Variants in SLC22A25 observed in about 807,000 individuals in gnomAD.
SLC22A25 encodes the protein MGI:2442751, MGI:2385316, MGI:3042283, MGI:3645714, MGI:3605624, MGI:2442750.
SLC22A25 carries 44 observed loss-of-function variants against 45.9 expected under a neutral mutation model. The observed-to-expected ratio is 0.96, with a 90% CI of 0.75 to 1.23. SLC22A25 has a LOEUF of 1.23. Among genes scored for constraint, SLC22A25 ranks in the 50% most tolerant of loss-of-function variants. The pLI, the probability that SLC22A25 is intolerant of heterozygous loss-of-function variation, is 0.00. For synonymous variants in SLC22A25, 283 were observed against 238.6 expected, an observed-to-expected ratio of 1.19 and a Z score of -1.72; for missense variants, 800 against 666.4, an observed-to-expected ratio of 1.20 and a Z score of -2.21.
intron 7 of SLC22A25, among the ~76,000 whole-genome samples, chr11:63,194,768 C>A (rs2088944960): frequency 6.6e-6 from 1 of 151,164 alleles, no homozygotes; most frequent in African/African-American, 2.4e-5. Flanking sequence ...CACAGACTGG[C>A]AAATTGTATA....
intron 9 of SLC22A25, among the ~76,000 whole-genome samples, chr11:63,179,468 T>C (rs982835424): frequency 6.6e-6 from 1 of 152,118 alleles, no homozygotes; most frequent in Non-Finnish European, 1.5e-5. Context: ...TGTGAAAGTA[T>C]CTTCTCTGTA....
chr11:63,180,531 A>G (rs755300361), intron 9 of SLC22A25, 129 bp downstream of exon 9: 92 of 643,864 alleles, frequency 1.4e-4, no homozygotes, highest in Non-Finnish European at 2.1e-4. Flanking sequence ...AAAAATAGCA[A>G]TTCTCTTTAT....
At chr11:63,243,003 T>C in intron 1 of SLC22A25, 1 of 155,902 alleles carries the variant, frequency 6.4e-6, no homozygotes, top group South Asian at 1.8e-4. Flanking sequence ...GCTTTTGCCT[T>C]CCCCCTCCAA....
Position 63,162,845 on chromosome 11 carries a change from A to G in SLC22A25, c.*979T>C, listed in dbSNP as rs1486022017. On this transcript the variant is annotated 3_prime_UTR_variant, in exon 12 of 12. Coordinates refer to ENST00000306494, the MANE Select transcript of SLC22A25 (RefSeq NM_199352.6). ...TTTTCTAAATTTTAGTAGTATCTAG[A>G]AATGGTCTCGATTTTTCCTTTATCT... Among the ~76,000 whole-genome samples, 1 of 152,188 alleles carries G rather than the reference A, an allele frequency of 6.6e-6. No homozygotes were observed. Among genetic ancestry groups the G allele is most frequent in the Non-Finnish European group, 1.5e-5 (1 of 68,038 alleles).
At chr11:63,229,044 A>G (rs1364314504) in intron 4 of SLC22A25, among the ~76,000 whole-genome samples, 1 of 152,242 alleles carries the variant, frequency 6.6e-6, no homozygotes, top group Non-Finnish European at 1.5e-5. Context: ...TAAAAGCACT[A>G]TGATAGCAGG....
chr11:63,199,588 A>G (rs2089173467), intron 7 of SLC22A25, among the ~76,000 whole-genome samples: 1 of 152,086 alleles, frequency 6.6e-6, no homozygotes, highest in African/African-American at 2.4e-5. Context: ...CACTTGAACC[A>G]AAGACATTTA....
rs548562597 is a variant in SLC22A25 at position 63,187,044 on chromosome 11, A to G, written c.831-3227T>C. Among the ~76,000 whole-genome samples, 260 of 152,240 alleles carry G rather than the reference A, an allele frequency of 1.7e-3. 2 individuals carry two copies. The highest frequency in any genetic ancestry group is 2.7e-3 in the African/African-American group (111 of 41,546). On this transcript the variant is annotated intron_variant, in intron 7 of 11. Transcript: ENST00000306494. ...GCAATGTGGGCTCTTTTTTGGTTCC[A>G]TATGAACTTTAAAGTAGTTTTTTCC...
chr11:63,233,881 AT>A, intron 3 of SLC22A25, among the ~76,000 whole-genome samples: 1 of 152,158 alleles, frequency 6.6e-6, no homozygotes, highest in South Asian at 2.1e-4. Flanking sequence ...TTCTGCCTTC[AT>A]TTCGTTATGT....
intron 7 of SLC22A25, among the ~76,000 whole-genome samples, chr11:63,199,135 A>AAT (rs1341918676): frequency 5.9e-5 from 9 of 151,844 alleles, no homozygotes; most frequent in Admixed American, 4.6e-4. Flanking sequence ...AAAAATTAAT[A>AAT]ATATATATAT....
intron 1 of SLC22A25, among the ~76,000 whole-genome samples, chr11:63,241,252 C>A (rs1317741553): frequency 1.3e-5 from 2 of 152,126 alleles, no homozygotes; most frequent in Admixed American, 1.3e-4. Context: ...GAGATGTGAA[C>A]CTGGAATGGC....
At chr11:63,242,200 G>A (rs1363192158) in intron 1 of SLC22A25, among the ~76,000 whole-genome samples, 3 of 152,104 alleles carry the variant, frequency 2.0e-5, no homozygotes, top group Non-Finnish European at 4.4e-5. Context: ...CTCCACCCCT[G>A]GATTCTACTT....
At chr11:63,175,980 CTTT>C (rs2134724321) in intron 9 of SLC22A25, among the ~76,000 whole-genome samples, 1 of 152,114 alleles carries the variant, frequency 6.6e-6, no homozygotes, top group East Asian at 1.9e-4. Flanking sequence ...AAGAAACTAT[CTTT>C]TTCTATTGTG....
intron 1 of SLC22A25, among the ~76,000 whole-genome samples, chr11:63,240,633 T>A (rs2090232435): frequency 6.6e-6 from 1 of 152,242 alleles, no homozygotes; most frequent in South Asian, 2.1e-4. Flanking sequence ...GTTCATTCTA[T>A]AAGCTTTTCT....
Position 63,229,457 on chromosome 11 carries a change from T to C in SLC22A25, c.196A>G (p.Thr66Ala). 1 of 1,614,070 alleles carries C rather than the reference T, an allele frequency of 6.2e-7. No homozygotes were observed. The highest frequency in any genetic ancestry group is 8.5e-7 in the Non-Finnish European group (1 of 1,179,950). Residue 66 changes from threonine (T) to alanine (A), a missense_variant, in exon 4 of 12, where the codon ACC becomes GCC. Thr to Ala is a moderately conservative substitution (Grantham distance 58). Coordinates refer to ENST00000306494, the MANE Select transcript of SLC22A25 (RefSeq NM_199352.6). ...CTCAGGAGGGCATCCTGGCTGAGGG[T>C]CCCAGGGTCATTGTCAGGGATAGTG... ...NDTIPDNDPGTLSQDALLRIS... is the reference protein window; with the variant it reads ...NDTIPDNDPGALSQDALLRIS...
chr11:63,165,704 A>G (rs897588573), intron 10 of SLC22A25, among the ~76,000 whole-genome samples: 1 of 152,224 alleles, frequency 6.6e-6, no homozygotes, highest in African/African-American at 2.4e-5. Context: ...TGGGATACAA[A>G]GGCCCAGCAC....
chr11:63,217,635 G>C lies in SLC22A25; in HGVS notation c.607C>G (p.Arg203Gly). Reference sequence around the variant, plus strand: ...AATGTAGCAGCCCCAGCCAAGAAGCGCAGGGAGCAGTATACGAGGATGGTG... The same window carrying C: ...AATGTAGCAGCCCCAGCCAAGAAGCCCAGGGAGCAGTATACGAGGATGGTG... Reference protein sequence around the residue: ...APTILVYCSLRFLAGAATFSI... With the variant: ...APTILVYCSLGFLAGAATFSI... Residue 203 changes from arginine (R) to glycine (G), a missense_variant, in exon 6 of 12, where the codon CGC (arginine) becomes GGC (glycine). By Grantham distance (125) the Arg-to-Gly change is moderately radical. Coordinates refer to ENST00000306494, the MANE Select transcript of SLC22A25 (RefSeq NM_199352.6). 1.2e-6 allele frequency: 2 copies of C among 1,613,976 alleles called. No individual in the cohort carries two copies. Among genetic ancestry groups the C allele is most frequent in the African/African-American group, 1.3e-5 (1 of 75,046 alleles).
intron 7 of SLC22A25, among the ~76,000 whole-genome samples, chr11:63,194,573 A>C (rs896068095): frequency 1.1e-4 from 17 of 152,142 alleles, no homozygotes; most frequent in Admixed American, 1.0e-3. Flanking sequence ...AGCACTAAAC[A>C]TGGAAAGGAA....
rs776158017 is a variant in SLC22A25 at position 63,191,199 on chromosome 11, T to C, written c.831-7382A>G. Among the ~76,000 whole-genome samples the C allele has an allele frequency of 2.6e-5, 4 of 152,196 alleles. 1 individual carries two copies. Among genetic ancestry groups the C allele is most frequent in the Non-Finnish European group, 5.9e-5 (4 of 68,022 alleles). ...TCAAGCTGCGGTGGGCTCCACCCAG[T>C]TGGAGCTTCCCAGCTGCTTTGTTTA... On this transcript the variant is annotated intron_variant, in intron 7 of 11. Coordinates refer to ENST00000306494, the MANE Select transcript of SLC22A25 (RefSeq NM_199352.6).
At chr11:63,194,140 G>A (rs998079846) in intron 7 of SLC22A25, among the ~76,000 whole-genome samples, 11 of 152,088 alleles carry the variant, frequency 7.2e-5, no homozygotes, top group East Asian at 1.9e-4. Flanking sequence ...AATGAACAAC[G>A]CCTCCAAGAA....
Sources: allele counts gnomAD v4.1 joint callset (sites outside exome capture counted in the v4.1 genomes callset), GRCh38; gene constraint gnomAD v4.1.1; transcripts MANE v1.5; gene names NCBI Gene and HGNC (gene_info 2026-07-23, HGNC 2026-07-21).